Variants in C11orf52 observed in about 807,000 individuals in gnomAD.
The protein encoded by C11orf52 is chromosome 11 open reading frame 52.
Under a neutral mutation model 11.7 loss-of-function variants are expected in C11orf52, and 9 were observed. That is an observed-to-expected ratio of 0.77 (90% CI 0.46 to 1.34). The LOEUF is 1.34. Among genes scored for constraint, C11orf52 ranks in the 40% most tolerant of loss-of-function variants. The pLI, the probability that C11orf52 is intolerant of heterozygous loss-of-function variation, is 0.00. For synonymous variants in C11orf52, 49 were observed against 57.4 expected, an observed-to-expected ratio of 0.85 and a Z score of 0.66; for missense variants, 139 against 154.8, an observed-to-expected ratio of 0.90 and a Z score of 0.54.
At chr11:111,921,708 T>C (rs1715526645) in intron 1 of C11orf52, among the ~76,000 whole-genome samples, 1 of 152,224 alleles carries the variant, frequency 6.6e-6, no homozygotes, top group South Asian at 2.1e-4. Context: ...TCTCTGATGG[T>C]GATAGTCATT....
intron 1 of C11orf52, among the ~76,000 whole-genome samples, chr11:111,920,905 A>G (rs1298407205): frequency 6.6e-6 from 1 of 152,272 alleles, no homozygotes; most frequent in Non-Finnish European, 1.5e-5. Flanking sequence ...CCTCACATGT[A>G]AAATGTAGAT....
intron 2 of C11orf52, 55 bp downstream of exon 2, chr11:111,924,418 A>G: frequency 1.4e-6 from 2 of 1,474,316 alleles, no homozygotes; most frequent in Non-Finnish European, 1.9e-6. Flanking sequence ...AGAAGACAAT[A>G]GAACTCCAAT....
At chr11:111,920,868 TAA>T (rs1229792307) in intron 1 of C11orf52, among the ~76,000 whole-genome samples, 20 of 152,350 alleles carry the variant, frequency 1.3e-4, no homozygotes, top group South Asian at 4.1e-4. Context: ...CCATAGGTAA[TAA>T]GTCCCTTAAT....
chr11:111,922,026 T>G (rs939222285), intron 1 of C11orf52, among the ~76,000 whole-genome samples: 1 of 152,018 alleles, frequency 6.6e-6, no homozygotes, highest in Admixed American at 6.6e-5. Flanking sequence ...AGAGACGGGG[T>G]TTCACCTGTT....
Position 111,926,418 on chromosome 11 carries a change from G to A in C11orf52, c.*219G>A. 1 of 635,304 alleles carries A rather than the reference G, an allele frequency of 1.6e-6. No homozygotes were observed. The highest frequency in any genetic ancestry group is 2.7e-6 in the Non-Finnish European group (1 of 373,700). 39.4% of individuals were successfully genotyped at this position (635,304 alleles called of 1,614,324 possible). ...TAGTTGGTTTAGCTATGGGTGGATAGCTAAACTTAGCTATCCACATGAGGT... is the reference window on the plus strand; with the variant it reads ...TAGTTGGTTTAGCTATGGGTGGATAACTAAACTTAGCTATCCACATGAGGT... On this transcript the variant is annotated 3_prime_UTR_variant, in exon 4 of 4. Coordinates refer to ENST00000278601, the MANE Select transcript of C11orf52 (RefSeq NM_080659.3).
chr11:111,925,112 ACT>A (rs1342045407), intron 2 of C11orf52, among the ~76,000 whole-genome samples: 14 of 152,012 alleles, frequency 9.2e-5, no homozygotes, highest in Non-Finnish European at 2.1e-4. Context: ...CAAGAGTGAG[ACT>A]CTGTCTCTAA....
At chr11:111,925,889 C>T in intron 3 of C11orf52, 71 bp from the exon 4 acceptor site, 1 of 1,600,588 alleles carries the variant, frequency 6.2e-7, no homozygotes, top group Non-Finnish European at 8.5e-7. Context: ...ATCAGTTGAC[C>T]TGCCCCTGCA....
rs1303754482 is a variant in C11orf52 at position 111,926,667 on chromosome 11, C to T, written c.*468C>T. On this transcript the variant is annotated 3_prime_UTR_variant, in exon 4 of 4. Transcript: ENST00000278601. ...TTTTACATTCAGACACTAGGGCTGG[C>T]TTGGGCCATTTCCTCAGTGGCTGAG... The T allele has an allele frequency of 5.5e-6, 1 of 181,072 alleles. No homozygotes were observed. The highest frequency in any genetic ancestry group is 1.4e-4 in the East Asian group (1 of 7,038). The allele number at this position is 181,072 out of a possible 1,614,324, so 11.2% of individuals were successfully genotyped here.
chr11:111,920,181 C>A (rs1017972240), intron 1 of C11orf52, among the ~76,000 whole-genome samples: 1 of 151,608 alleles, frequency 6.6e-6, no homozygotes, highest in South Asian at 2.1e-4. Context: ...GGTGACAGAG[C>A]AAGACTCCGT....
In C11orf52 at chr11:111,926,421, AAACTT is replaced by A. The variant is rs1456061993; in HGVS notation, c.*224_*228del. ...TTGGTTTAGCTATGGGTGGATAGCT[AAACTT>A]AGCTATCCACATGAGGTTAGGTGGA... On this transcript the variant is annotated 3_prime_UTR_variant, in exon 4 of 4. Coordinates refer to ENST00000278601, the MANE Select transcript of C11orf52 (RefSeq NM_080659.3). The A allele has an allele frequency of 3.3e-5, 21 of 635,436 alleles. No individual in the cohort carries two copies. Among genetic ancestry groups the A allele is most frequent in the Admixed American group, 6.0e-5 (2 of 33,458 alleles). 39.4% of individuals were successfully genotyped at this position (635,436 alleles called of 1,614,324 possible). A position where few individuals can be genotyped will look rare whatever the true frequency, so the allele number is the denominator to read the frequency against.
chr11:111,925,583 A>T lies in C11orf52; in HGVS notation c.71-70A>T, dbSNP rs193038754. The T allele has an allele frequency of 1.4e-5, 21 of 1,483,626 alleles. 1 individual carries two copies. The East Asian group carries it at 4.1e-4, about 29-fold the overall frequency. The allele number at this position is 1,483,626 out of a possible 1,614,324, so 91.9% of individuals were successfully genotyped here. On this transcript the variant is annotated intron_variant, in intron 2 of 3. Coordinates refer to ENST00000278601, the MANE Select transcript of C11orf52 (RefSeq NM_080659.3). ...GCCTGCCGTTAATAGTTTAATAGTG[A>T]TTTGAAGAAGGCAATCTCAGTAGAG...
chr11:111,926,254 C>A lies in C11orf52; in HGVS notation c.*55C>A. The A allele has an allele frequency of 1.3e-6, 2 of 1,597,328 alleles. No homozygotes were observed. The highest frequency in any genetic ancestry group is 1.1e-5 in the South Asian group (1 of 90,218). ...TAACCACTACACCTGTGGGGGAGAACCTACTGCTTTGGGGAATTGGGTGGC... is the reference window on the plus strand; with the variant it reads ...TAACCACTACACCTGTGGGGGAGAAACTACTGCTTTGGGGAATTGGGTGGC... On this transcript the variant is annotated 3_prime_UTR_variant, in exon 4 of 4. Transcript: ENST00000278601.
rs781831821 is a variant in C11orf52 at position 111,926,215 on chromosome 11, G to A, written c.*16G>A. ...CCTGGTGTGAGCGCTTGGGAGGAAGGCCCAGTCCATCGTTAACCACTACAC... is the reference window on the plus strand; with the variant it reads ...CCTGGTGTGAGCGCTTGGGAGGAAGACCCAGTCCATCGTTAACCACTACAC... On this transcript the variant is annotated 3_prime_UTR_variant, in exon 4 of 4. Transcript: ENST00000278601. The A allele has an allele frequency of 1.2e-6, 2 of 1,612,206 alleles. No individual in the cohort carries two copies. Among genetic ancestry groups the A allele is most frequent in the Admixed American group, 3.3e-5 (2 of 60,014 alleles).
At position 111,926,095 on chromosome 11, in the gene C11orf52, C is replaced by T. The variant is rs782114138; in HGVS notation, c.268C>T (p.Arg90Trp). ...DIQVCSRPHA[R>W]EVKHVHLENA... Reference sequence around the variant, plus strand: ...TCAAGTGTGCAGCCGTCCCCATGCCCGGGAAGTGAAACACGTGCATTTAGA... The same window carrying T: ...TCAAGTGTGCAGCCGTCCCCATGCCTGGGAAGTGAAACACGTGCATTTAGA... The change falls in exon 4 of 4, where the codon CGG becomes TGG. Residue 90 changes from arginine (R) to tryptophan (W), a missense_variant. Transcript: ENST00000278601. 2.5e-6 allele frequency: 4 copies of T among 1,614,224 alleles called. No homozygotes were observed. The South Asian group carries it at 3.3e-5, about 13-fold the overall frequency.
Position 111,918,968 on chromosome 11 carries a change from G to A in C11orf52, c.-5G>A. ...ACAGCTGGGCTCCCTTGGAGACAGA[G>A]CGCCATGGGAAACCGGGTCTGCTGC... On this transcript the variant is annotated 5_prime_UTR_variant, in exon 1 of 4. Coordinates refer to ENST00000278601, the MANE Select transcript of C11orf52 (RefSeq NM_080659.3). The A allele has an allele frequency of 6.2e-7, 1 of 1,614,206 alleles. No individual in the cohort carries two copies. Among genetic ancestry groups the A allele is most frequent in the Non-Finnish European group, 8.5e-7 (1 of 1,180,014 alleles).
chr11:111,924,486 C>G (rs1323053477), intron 2 of C11orf52, 123 bp downstream of exon 2: 1 of 799,012 alleles, frequency 1.3e-6, no homozygotes, highest in Non-Finnish European at 2.0e-6. Flanking sequence ...GACAGCACAC[C>G]AAAGAGAATC....
intron 1 of C11orf52, among the ~76,000 whole-genome samples, chr11:111,924,065 G>A (rs1436857565): frequency 6.6e-6 from 1 of 152,236 alleles, no homozygotes; most frequent in Non-Finnish European, 1.5e-5. Context: ...TCCCTGGCAT[G>A]TAGTGCCTGG....
intron 1 of C11orf52, 183 bp from the exon 2 acceptor site, chr11:111,924,143 G>T: frequency 1.7e-6 from 1 of 604,944 alleles, no homozygotes. Flanking sequence ...AACCATCCAT[G>T]TGGGAGAGGT....
chr11:111,926,030 G>T lies in C11orf52; in HGVS notation c.203G>T (p.Gly68Val). 6.2e-7 allele frequency: 1 copy of T among 1,614,226 alleles called. No individual in the cohort carries two copies. Among genetic ancestry groups the T allele is most frequent in the Non-Finnish European group, 8.5e-7 (1 of 1,180,038 alleles). ...CAAGGGTCTCAAGAGAGGAGTCCAG[G>T]CCTCATGTCGGAAGACAGCAACTTA... ...QQQGSQERSP[G>V]LMSEDSNLHY... is the part of the protein sequence containing the mutation. Residue 68 changes from glycine (G) to valine (V), a missense_variant, in exon 4 of 4, where the codon GGC becomes GTC. Transcript: ENST00000278601.
Sources: gnomAD v4.1 joint callset for allele counts (sites outside exome capture counted in the v4.1 genomes callset) on GRCh38, gnomAD v4.1.1 for gene constraint, MANE v1.5 for transcripts, NCBI Gene and HGNC (gene_info 2026-07-23, HGNC 2026-07-21) for gene names.